Variants in TENM3 observed in about 807,000 individuals in gnomAD.
TENM3 encodes teneurin-3.
In TENM3, 63 loss-of-function variants were observed where a neutral mutation model predicts 255.1. The observed-to-expected ratio is 0.25, with a 90% CI of 0.20 to 0.30. The LOEUF (loss-of-function observed/expected upper bound fraction) is 0.30. TENM3 is among the 10% of genes least tolerant of loss of function. The pLI, the probability that TENM3 is intolerant of heterozygous loss-of-function variation, is 1.00. For missense variants in TENM3, 2,929 were observed against 3,461.1 expected (o/e 0.85, Z 3.86); for synonymous variants, 1,306 against 1,322.3 (o/e 0.99, Z 0.27).
At chr4:182,594,364 C>T (rs2152395453) in intron 3 of TENM3, among the ~76,000 whole-genome samples, 1 of 151,952 alleles carries the variant, frequency 6.6e-6, no homozygotes, top group Non-Finnish European at 1.5e-5. Context: ...TTTGTCTCTA[C>T]AAAAAATTTA....
chr4:182,065,608 C>G, the TENM3 span, among the ~76,000 whole-genome samples: 2 of 152,200 alleles, frequency 1.3e-5, no homozygotes, highest in Non-Finnish European at 2.9e-5. Flanking sequence ...CACCTCCCAC[C>G]CGGCCCCTCC....
the TENM3 span, among the ~76,000 whole-genome samples, chr4:181,790,250 G>A: frequency 6.6e-6 from 1 of 152,160 alleles, no homozygotes; most frequent in Admixed American, 6.5e-5. Flanking sequence ...GTTCTGCACT[G>A]AGTGTGGCAG....
intron 12 of TENM3, among the ~76,000 whole-genome samples, chr4:182,701,730 A>G: frequency 6.6e-6 from 1 of 152,226 alleles, no homozygotes; most frequent in Non-Finnish European, 1.5e-5. Flanking sequence ...AACAAACCGC[A>G]TAGCAAAAGT....
chr4:181,851,261 C>T, the TENM3 span, among the ~76,000 whole-genome samples: 1 of 152,172 alleles, frequency 6.6e-6, no homozygotes, highest in Admixed American at 6.5e-5. Context: ...GGTTCCATAT[C>T]GCCTTAGCAT....
intron 5 of TENM3, among the ~76,000 whole-genome samples, chr4:182,629,372 C>T (rs369617213): frequency 3.9e-5 from 6 of 152,058 alleles, no homozygotes; most frequent in Admixed American, 6.5e-5. Context: ...GAGAACTGGG[C>T]GTCCATAAAG....
At chr4:181,654,634 A>T in the TENM3 span, among the ~76,000 whole-genome samples, 1 of 151,730 alleles carries the variant, frequency 6.6e-6, no homozygotes, top group African/African-American at 2.4e-5. Context: ...GGTGCCTGTA[A>T]TCCCAGCTAC....
chr4:182,778,328 A>G (rs1764865797), intron 24 of TENM3, among the ~76,000 whole-genome samples: 1 of 152,242 alleles, frequency 6.6e-6, no homozygotes, highest in African/African-American at 2.4e-5. Flanking sequence ...GTTTAAAGGC[A>G]TGCATAAATA....
intron 1 of TENM3, among the ~76,000 whole-genome samples, chr4:182,230,811 ACTATATATATATATATATATATATAT>A: frequency 1.7e-5 from 1 of 59,250 alleles, no homozygotes; most frequent in African/African-American, 6.7e-5. Flanking sequence ...AGTTTCTCAA[ACTATATATATATATATATATATATAT>A]ATATATATAT....
intron 3 of TENM3, among the ~76,000 whole-genome samples, chr4:182,565,200 T>C (rs1334306701): frequency 6.6e-6 from 1 of 152,208 alleles, no homozygotes; most frequent in Non-Finnish European, 1.5e-5. Flanking sequence ...AATCATAGTC[T>C]TGGTTACCAC....
At chr4:182,370,829 C>G (rs1015846318) in intron 3 of TENM3, among the ~76,000 whole-genome samples, 2 of 152,142 alleles carry the variant, frequency 1.3e-5, no homozygotes, top group Admixed American at 1.3e-4. Context: ...AAAGGACCTG[C>G]CAAATAGTTG....
At chr4:181,903,289 T>C in the TENM3 span, among the ~76,000 whole-genome samples, 1 of 152,206 alleles carries the variant, frequency 6.6e-6, no homozygotes, top group African/African-American at 2.4e-5. Context: ...TCCACCAATT[T>C]GGAGAAAAAA....
intron 1 of TENM3, among the ~76,000 whole-genome samples, chr4:182,152,934 C>T (rs545679099): frequency 6.6e-6 from 1 of 151,840 alleles, no homozygotes; most frequent in South Asian, 2.1e-4. Context: ...GTTAAAAGTG[C>T]AGTCTCAAAC....
At chr4:182,174,502 T>TCACACACACACACACACACA (rs71605053) in intron 1 of TENM3, among the ~76,000 whole-genome samples, 2 of 137,630 alleles carry the variant, frequency 1.5e-5, no homozygotes, top group Non-Finnish European at 3.1e-5. Flanking sequence ...AGCTACTAAT[T>TCACACACACACACACACACA]CACACACACA....
rs369494895 is a variant in TENM3 at position 182,394,977 on chromosome 4, T to C, written c.511+48048T>C. Among the ~76,000 whole-genome samples, 5 of 152,324 alleles carry C rather than the reference T, an allele frequency of 3.3e-5. No individual in the cohort carries two copies. In the East Asian group the frequency reaches 9.6e-4, roughly 29 times the overall value. On this transcript the variant is annotated intron_variant, in intron 3 of 27. Coordinates refer to ENST00000511685, the MANE Select transcript of TENM3 (RefSeq NM_001080477.4). Reference sequence around the variant, plus strand: ...TTGTTACTTTGCTATATCCCTTTAGTGGCTTCAATTGCAGGATTAAATATT... The same window carrying C: ...TTGTTACTTTGCTATATCCCTTTAGCGGCTTCAATTGCAGGATTAAATATT...
At chr4:182,737,173 A>AT in intron 17 of TENM3, 98 bp downstream of exon 17, 1 of 1,269,430 alleles carries the variant, frequency 7.9e-7, no homozygotes, top group Admixed American at 2.1e-5. Context: ...GATAAACAGA[A>AT]TATAAAGAGA....
At chr4:182,757,278 C>A (rs1324318600) in intron 22 of TENM3, among the ~76,000 whole-genome samples, 2 of 136,684 alleles carry the variant, frequency 1.5e-5, no homozygotes, top group Non-Finnish European at 3.0e-5. Context: ...TGCCACTGCA[C>A]TCCAGCCTGG....
At chr4:182,086,017 G>A in the TENM3 span, among the ~76,000 whole-genome samples, 34 of 152,158 alleles carry the variant, frequency 2.2e-4, no homozygotes, top group African/African-American at 8.0e-4. Context: ...AAATTTTGAC[G>A]GCATAAGAAG....
intron 3 of TENM3, among the ~76,000 whole-genome samples, chr4:182,546,890 C>A (rs1161091585): frequency 6.6e-6 from 1 of 152,146 alleles, no homozygotes; most frequent in Non-Finnish European, 1.5e-5. Flanking sequence ...ATATTGGAAT[C>A]TGTGTATACC....
At chr4:182,083,912 T>C in the TENM3 span, among the ~76,000 whole-genome samples, 2 of 152,176 alleles carry the variant, frequency 1.3e-5, no homozygotes, top group East Asian at 1.9e-4. Context: ...GGAGCTGTGC[T>C]CTCTTACAGA....
Sources: gnomAD v4.1 joint callset for allele counts (sites outside exome capture counted in the v4.1 genomes callset) on GRCh38, gnomAD v4.1.1 for gene constraint, MANE v1.5 for transcripts, NCBI Gene and HGNC (gene_info 2026-07-23, HGNC 2026-07-21) for gene names.